The following ABCA13 variants were observed in gnomAD, a reference collection of about 807,000 sequenced individuals.
The protein encoded by ABCA13 is ATP-binding cassette sub-family A member 13.
A neutral mutation model predicts 478.7 loss-of-function variants in ABCA13; 476 were observed. The ratio of observed to expected loss-of-function variants is 0.99; its 90% confidence interval spans 0.92 to 1.07. ABCA13 has a LOEUF of 1.07. Among genes scored for constraint, ABCA13 ranks in the 50% least tolerant of loss-of-function variants. The probability of loss-of-function intolerance (pLI) is 0.00; values close to 1 mark genes in which losing one functional copy is unlikely to be tolerated. For synonymous variants in ABCA13, 2,252 were observed against 2,158.9 expected (o/e 1.04, Z -1.20); for missense variants, 6,060 against 5,910.6 (o/e 1.03, Z -0.83).
At chr7:48,365,680 T>C (rs982971409) in intron 31 of ABCA13, among the ~76,000 whole-genome samples, 8 of 152,200 alleles carry the variant, frequency 5.3e-5, no homozygotes, top group African/African-American at 1.7e-4. Context: ...GATAGTCCTT[T>C]TCCCAATGTA....
Position 48,293,192 on chromosome 7 carries a change from G to GCCCCCCCCCCCCCCCC in ABCA13, c.8956-2498_8956-2497insCCCCCCCCCCCCCCCC, listed in dbSNP as rs367570188. ...TTCATCATTTCCTGAGAAGTCTTCA[G>GCCCCCCCCCCCCCCCC]CCCCCCCCCCGCCACACACACACTA... On this transcript the variant is annotated intron_variant, in intron 20 of 61. Coordinates refer to ENST00000435803, the MANE Select transcript of ABCA13 (RefSeq NM_152701.5). Among the ~76,000 whole-genome samples the GCCCCCCCCCCCCCCCC allele has an allele frequency of 2.1e-4, 23 of 108,298 alleles. 2 individuals carry two copies. The highest frequency in any genetic ancestry group is 4.3e-4 in the South Asian group (1 of 2,342). 71.0% of individuals were successfully genotyped at this position (108,298 alleles called of 152,430 possible). A position where few individuals can be genotyped will look rare whatever the true frequency, so the allele number is the denominator to read the frequency against.
Position 48,278,632 on chromosome 7 carries a change from G to T in ABCA13, c.7438G>T (p.Gly2480Cys). The change falls in exon 18 of 62, where the codon GGT becomes TGT. Residue 2480 changes from glycine to cysteine, a missense_variant. By Grantham distance (159) the Gly-to-Cys change is radical. Coordinates refer to ENST00000435803, the MANE Select transcript of ABCA13 (RefSeq NM_152701.5). The stretch of plus-strand genomic sequence containing the variant: ...ATTAGAAATTACTAAGAGATTAGTT[G>T]GTGCTATTTCAAGAGCAAGTGAAGA... The part of the protein sequence containing the change: ...ATLEITKRLV[G>C]AISRASEESH... The T allele has an allele frequency of 6.2e-7, 1 of 1,613,564 alleles. No individual in the cohort carries two copies. Among genetic ancestry groups the T allele is most frequent in the Non-Finnish European group, 8.5e-7 (1 of 1,179,556 alleles).
At position 48,240,935 on chromosome 7, in the gene ABCA13, G is replaced by A. The variant is rs1165194691; in HGVS notation, c.1131G>A (p.Glu377=). The change falls in exon 10 of 62, where the codon GAG becomes GAA. Residue 377 remains glutamate, a synonymous_variant. Coordinates refer to ENST00000435803, the MANE Select transcript of ABCA13 (RefSeq NM_152701.5). ...KTLTGMGHSL[E]ALRNQFEEES... ...TCACAGGCATGGGCCATAGTCTGGA[G>A]GCTCTCAGGAATCAGTTTGAAGAAG... 3 of 1,613,388 alleles carry A rather than the reference G, an allele frequency of 1.9e-6. No homozygotes were observed. Among genetic ancestry groups the A allele is most frequent in the Non-Finnish European group, 2.5e-6 (3 of 1,179,492 alleles).
At chr7:48,373,958 T>C (rs1020953376) in intron 33 of ABCA13, among the ~76,000 whole-genome samples, 5 of 152,186 alleles carry the variant, frequency 3.3e-5, no homozygotes, top group Admixed American at 2.6e-4. Flanking sequence ...TAGAATAGTG[T>C]ATGCATTCCA....
At chr7:48,449,210 A>G (rs904692823) in intron 42 of ABCA13, among the ~76,000 whole-genome samples, 1 of 151,976 alleles carries the variant, frequency 6.6e-6, no homozygotes, top group African/African-American at 2.4e-5. Context: ...GTTAGTAAGC[A>G]CCCACATGCC....
At chr7:48,381,623 T>G (rs1242771155) in intron 35 of ABCA13, among the ~76,000 whole-genome samples, 2 of 152,138 alleles carry the variant, frequency 1.3e-5, no homozygotes, top group Non-Finnish European at 2.9e-5. Flanking sequence ...TCGAAGAGTT[T>G]TCATTGCATA....
At chr7:48,445,907 C>A (rs1264306852) in intron 42 of ABCA13, among the ~76,000 whole-genome samples, 3 of 152,038 alleles carry the variant, frequency 2.0e-5, no homozygotes, top group African/African-American at 7.2e-5. Context: ...AAGTGGTAAC[C>A]ACTTGGCCTT....
intron 59 of ABCA13, among the ~76,000 whole-genome samples, chr7:48,617,278 G>A (rs907153900): frequency 1.3e-5 from 2 of 152,126 alleles, no homozygotes; most frequent in African/African-American, 4.8e-5. Flanking sequence ...ACTTGTAGTG[G>A]GTCTCCTTCC....
In ABCA13 at chr7:48,310,073, G is replaced by A. The variant is rs199557081; in HGVS notation, c.9448G>A (p.Gly3150Arg). The A allele has an allele frequency of 6.2e-7, 1 of 1,613,902 alleles. No homozygotes were observed. The highest frequency in any genetic ancestry group is 1.1e-5 in the South Asian group (1 of 91,080). ...AGCGGAGGAACTCTGTAGCCTGCCA[G>A]GGTCAAAAGTGTATTCTCTGATTGT... Reference protein sequence around the residue: ...IAAEELCSLPGSKVYSLIVLL... With the variant: ...IAAEELCSLPRSKVYSLIVLL... The change falls in exon 24 of 62, where the codon GGG becomes AGG. Residue 3150 changes from glycine to arginine, a missense_variant. By Grantham distance (125) the Gly-to-Arg change is moderately radical. Transcript: ENST00000435803.
chr7:48,483,171 T>C lies in ABCA13; in HGVS notation c.13182+8T>C, dbSNP rs565860015. The C allele has an allele frequency of 1.4e-5, 22 of 1,590,346 alleles. No individual in the cohort carries two copies. The African/African-American group carries it at 1.8e-4, about 13-fold the overall frequency. ...CCCCCAACTCTGGCAAAGGTAATCA[T>C]ATTTTTTTATTTTTTTCCTGTTTTA... On this transcript the variant is annotated splice_region_variant and intron_variant, in intron 47 of 61. Transcript: ENST00000435803.
rs900639457 is a variant in ABCA13 at position 48,276,572 on chromosome 7, A to G, written c.6899+7A>G. The G allele has an allele frequency of 5.0e-6, 8 of 1,608,634 alleles. No homozygotes were observed. The highest frequency in any genetic ancestry group is 1.7e-5 in the Admixed American group (1 of 59,892). On this transcript the variant is annotated splice_region_variant and intron_variant, in intron 17 of 61. Transcript: ENST00000435803. ...ATGTTATTGCAGAGATGAGGTGAGT[A>G]TACTTTTGCTTTGTGTCATATATGC...
chr7:48,389,629 AC>A (rs1437352786), intron 37 of ABCA13, among the ~76,000 whole-genome samples: 1 of 152,142 alleles, frequency 6.6e-6, no homozygotes. Context: ...AATTTTTTAA[AC>A]ACCTGATTAT....
intron 36 of ABCA13, among the ~76,000 whole-genome samples, chr7:48,388,687 A>G (rs918837370): frequency 5.3e-5 from 8 of 152,246 alleles, no homozygotes; most frequent in Non-Finnish European, 8.8e-5. Context: ...ACAAGCACCT[A>G]TCCACTCTCA....
At chr7:48,254,323 G>A (rs2128705805) in intron 15 of ABCA13, among the ~76,000 whole-genome samples, 1 of 152,046 alleles carries the variant, frequency 6.6e-6, no homozygotes, top group Non-Finnish European at 1.5e-5. Context: ...GAATGCAGTG[G>A]TACAACCATA....
At position 48,570,634 on chromosome 7, in the gene ABCA13, C is replaced by T. The variant is rs558192704; in HGVS notation, c.14355-9590C>T. Among the ~76,000 whole-genome samples the T allele has an allele frequency of 2.6e-5, 4 of 151,972 alleles. No homozygotes were observed. In the East Asian group the frequency reaches 5.8e-4, roughly 22 times the overall value. Reference sequence around the variant, plus strand: ...CACCGCACCCAGCTGCATCCTTTTACTTTCAAACTATTTGTGACTTTGATT... The same window carrying T: ...CACCGCACCCAGCTGCATCCTTTTATTTTCAAACTATTTGTGACTTTGATT... On this transcript the variant is annotated intron_variant, in intron 55 of 61. Transcript: ENST00000435803.
At chr7:48,204,458 C>T (rs938298251) in intron 3 of ABCA13, among the ~76,000 whole-genome samples, 20 of 152,006 alleles carry the variant, frequency 1.3e-4, no homozygotes, top group South Asian at 8.3e-4. Context: ...CGATCTGCCC[C>T]CCTTGGCCTC....
chr7:48,308,872 T>G (rs2128876858), intron 23 of ABCA13, among the ~76,000 whole-genome samples: 1 of 150,220 alleles, frequency 6.7e-6, no homozygotes, highest in Non-Finnish European at 1.5e-5. Flanking sequence ...GCTGTACAGG[T>G]TTGTAGTCTA....
intron 1 of ABCA13, among the ~76,000 whole-genome samples, chr7:48,183,553 A>G (rs138364738): frequency 5.3e-5 from 8 of 152,340 alleles, no homozygotes; most frequent in African/African-American, 1.9e-4. Flanking sequence ...ACTTAAGGAT[A>G]GGGCTTGGTC....
At chr7:48,455,317 A>T (rs1278609428) in intron 43 of ABCA13, 31 bp downstream of exon 43, 1 of 1,574,618 alleles carries the variant, frequency 6.4e-7, no homozygotes, top group East Asian at 2.3e-5. Flanking sequence ...TGATTTCGAA[A>T]TTATGTCGAG....
Sources: gnomAD v4.1 joint callset for allele counts (sites outside exome capture counted in the v4.1 genomes callset) on GRCh38, gnomAD v4.1.1 for gene constraint, MANE v1.5 for transcripts, NCBI Gene and HGNC (gene_info 2026-07-23, HGNC 2026-07-21) for gene names.